Variants in CWH43 observed in about 807,000 individuals in gnomAD.
CWH43 encodes PGAP2-interacting protein.
A neutral mutation model predicts 85.7 loss-of-function variants in CWH43; 91 were observed. That is an observed-to-expected ratio of 1.06 (90% CI 0.90 to 1.26). CWH43 has a LOEUF of 1.26. Among genes scored for constraint, CWH43 ranks in the 50% most tolerant of loss-of-function variants. The pLI is 0.00. For missense variants in CWH43, 869 were observed against 839.2 expected, an observed-to-expected ratio of 1.04 and a Z score of -0.44; for synonymous variants, 323 against 293.6, an observed-to-expected ratio of 1.10 and a Z score of -1.02.
chr4:49,056,521 A>T (rs902458668), intron 15 of CWH43, among the ~76,000 whole-genome samples: 2 of 152,094 alleles, frequency 1.3e-5, no homozygotes, highest in Non-Finnish European at 2.9e-5. Context: ...TAACATCTCC[A>T]CACTGATTTA....
chr4:49,061,763 A>G (rs1261659719), intron 15 of CWH43, 49 bp from the exon 16 acceptor site: 2 of 1,248,426 alleles, frequency 1.6e-6, no homozygotes. Flanking sequence ...TACCTTTCTG[A>G]ATGGTTTTTA....
chr4:49,008,769 A>G (rs1352169291), intron 8 of CWH43, among the ~76,000 whole-genome samples: 1 of 152,188 alleles, frequency 6.6e-6, no homozygotes, highest in Admixed American at 6.5e-5. Context: ...AGGTTTGTCA[A>G]AGATCAGATG....
chr4:49,017,667 A>G (rs1385150606), intron 9 of CWH43, among the ~76,000 whole-genome samples: 1 of 152,210 alleles, frequency 6.6e-6, no homozygotes. Flanking sequence ...TTTATAAAGA[A>G]GAATTTTAAT....
chr4:48,988,526 C>T lies in CWH43; in HGVS notation c.93C>T (p.Tyr31=). ...LYHDLGPMIY[Y]FPLQTLELTG... Reference sequence around the variant, plus strand: ...ATGACCTGGGACCGATGATCTATTACTTTCCTTTGCAAACACTAGAACTCA... The same window carrying T: ...ATGACCTGGGACCGATGATCTATTATTTTCCTTTGCAAACACTAGAACTCA... Residue 31 remains tyrosine, a synonymous_variant, in exon 2 of 16, where the codon TAC becomes TAT. Coordinates refer to ENST00000226432, the MANE Select transcript of CWH43 (RefSeq NM_025087.3). 1 of 1,612,492 alleles carries T rather than the reference C, an allele frequency of 6.2e-7. No individual in the cohort carries two copies. Among genetic ancestry groups the T allele is most frequent in the Non-Finnish European group, 8.5e-7 (1 of 1,179,460 alleles).
At chr4:48,998,384 G>T (rs1311761840) in intron 5 of CWH43, 76 bp from the exon 6 acceptor site, 3 of 1,122,424 alleles carry the variant, frequency 2.7e-6, no homozygotes, top group Non-Finnish European at 4.1e-6. Context: ...GAGGTGGGAG[G>T]TATATTTCTA....
chr4:49,017,214 T>TA (rs751460222), intron 8 of CWH43, 35 bp from the exon 9 acceptor site: 927 of 1,547,550 alleles, frequency 6.0e-4, no homozygotes, highest in Middle Eastern at 2.5e-3. Context: ...TTTATTTATT[T>TA]TAAAAAAACC....
intron 6 of CWH43, among the ~76,000 whole-genome samples, chr4:48,999,303 T>C (rs907814494): frequency 6.6e-5 from 10 of 152,244 alleles, no homozygotes; most frequent in African/African-American, 2.4e-4. Context: ...TATTACCACA[T>C]TTTCTTTATC....
Position 49,044,807 on chromosome 4 carries a change from G to T in CWH43, c.1825G>T (p.Asp609Tyr). ...TTAGGATATCGACAGCACTGATCAT[G>T]ACAGATGGTGTGAATACATTATGTA... ...NVKDIDSTDHDRWCEYIMYRG... is the reference protein window; with the variant it reads ...NVKDIDSTDHYRWCEYIMYRG... The change falls in exon 14 of 16, where the codon GAC becomes TAC. Residue 609 changes from aspartate (D) to tyrosine (Y), a missense_variant. This residue lies in a region of CWH43 where 577 missense variants were observed against 513.1 expected (regional missense o/e 1.12). Coordinates refer to ENST00000226432, the MANE Select transcript of CWH43 (RefSeq NM_025087.3). The T allele has an allele frequency of 6.2e-7, 1 of 1,613,388 alleles. No homozygotes were observed. The highest frequency in any genetic ancestry group is 1.1e-5 in the South Asian group (1 of 91,022).
chr4:49,006,780 A>G (rs1439209638), intron 7 of CWH43, among the ~76,000 whole-genome samples: 1 of 152,192 alleles, frequency 6.6e-6, no homozygotes, highest in Admixed American at 6.6e-5. Flanking sequence ...AATTATCACA[A>G]GCACTGCCAT....
chr4:49,023,158 T>C (rs1783804737), intron 9 of CWH43, among the ~76,000 whole-genome samples: 1 of 152,218 alleles, frequency 6.6e-6, no homozygotes, highest in South Asian at 2.1e-4. Flanking sequence ...TCAAACTTTT[T>C]GATACAGGCA....
intron 7 of CWH43, among the ~76,000 whole-genome samples, chr4:49,006,937 G>A (rs1048988990): frequency 2.1e-4 from 32 of 152,160 alleles, no homozygotes; most frequent in African/African-American, 7.5e-4. Flanking sequence ...CTAACAACTA[G>A]GAAATACTCA....
rs1784134699 is a variant in CWH43, at chr4:49,032,658, C to T, written c.1601C>T (p.Thr534Ile). Reference protein sequence around the residue: ...EGEIAPAITLTVNISGKLVDF... With the variant: ...EGEIAPAITLIVNISGKLVDF... ...GAGATCGCACCAGCCATCACATTGA[C>T]CGTTAACATTTCGGGCAAGCTGGTG... is the stretch of plus-strand genomic sequence containing the variant. The change falls in exon 12 of 16, where the codon ACC (threonine) becomes ATC (isoleucine). Residue 534 changes from threonine to isoleucine, a missense_variant. Transcript: ENST00000226432. 1.2e-6 allele frequency: 2 copies of T among 1,614,096 alleles called. No individual in the cohort carries two copies. Among genetic ancestry groups the T allele is most frequent in the Admixed American group, 3.3e-5 (2 of 60,018 alleles).
intron 1 of CWH43, among the ~76,000 whole-genome samples, chr4:48,987,036 G>A (rs1285597693): frequency 6.6e-6 from 1 of 152,122 alleles, no homozygotes; most frequent in Non-Finnish European, 1.5e-5. Context: ...GCAAAATCCC[G>A]AGGACAATTT....
intron 8 of CWH43, among the ~76,000 whole-genome samples, chr4:49,012,369 C>T (rs577823183): frequency 4.6e-5 from 7 of 152,170 alleles, no homozygotes; most frequent in South Asian, 2.1e-4. Flanking sequence ...GTTAGCCATT[C>T]GTCTAACATT....
intron 9 of CWH43, among the ~76,000 whole-genome samples, chr4:49,028,381 T>TA (rs1373781127): frequency 6.6e-6 from 1 of 152,202 alleles, no homozygotes; most frequent in Non-Finnish European, 1.5e-5. Context: ...AAGCAGTGCT[T>TA]ATTACAAAAC....
intron 15 of CWH43, among the ~76,000 whole-genome samples, chr4:49,057,478 G>A (rs1289189312): frequency 6.6e-6 from 1 of 152,190 alleles, no homozygotes; most frequent in Non-Finnish European, 1.5e-5. Flanking sequence ...TAGAATGGGA[G>A]GCAGGTTTGC....
At chr4:48,986,857 A>C in intron 1 of CWH43, 1 of 992,026 alleles carries the variant, frequency 1.0e-6, no homozygotes. Flanking sequence ...GAACTTTAAA[A>C]TTCAGAAGGA....
intron 7 of CWH43, 175 bp from the exon 8 acceptor site, chr4:49,007,026 A>AT: frequency 1.7e-6 from 1 of 603,888 alleles, no homozygotes; most frequent in Non-Finnish European, 2.5e-6. Context: ...CCTACCTGAT[A>AT]TTTTCCAGTT....
intron 13 of CWH43, among the ~76,000 whole-genome samples, chr4:49,038,906 A>T (rs937319274): frequency 6.6e-6 from 1 of 151,254 alleles, no homozygotes; most frequent in Non-Finnish European, 1.5e-5. Context: ...AAAATACAAA[A>T]AATTAGCCGG....
Sources: gnomAD v4.1 joint callset for allele counts (sites outside exome capture counted in the v4.1 genomes callset) on GRCh38, gnomAD v4.1.1 for gene constraint, gnomAD v4.1.1 regional missense constraint, MANE v1.5 for transcripts, NCBI Gene and HGNC (gene_info 2026-07-23, HGNC 2026-07-21) for gene names.